ABCC2: variants seen among roughly 807,000 people sequenced by gnomAD.
The protein encoded by ABCC2 is ATP binding cassette subfamily C member 2, also known as ATP-binding cassette sub-family C member 2.
A neutral mutation model predicts 173.4 loss-of-function variants in ABCC2; 157 were observed. That is an observed-to-expected ratio of 0.91 (90% CI 0.80 to 1.03). The LOEUF (loss-of-function observed/expected upper bound fraction) is 1.03. Ranked by LOEUF, ABCC2 falls within the 50% of genes least tolerant of loss-of-function variation. The pLI is 0.00. For missense variants in ABCC2, 1,822 were observed against 1,852.3 expected (o/e 0.98, Z 0.30); for synonymous variants, 657 against 693.5 (o/e 0.95, Z 0.83).
chr10:99,843,724 A>C lies in ABCC2; in HGVS notation c.3742-75A>C, dbSNP rs1421265437. The C allele has an allele frequency of 4.0e-6, 5 of 1,257,744 alleles. No homozygotes were observed. In the East Asian group the frequency reaches 9.3e-5, roughly 23 times the overall value. The allele number at this position is 1,257,744 out of a possible 1,614,324, so 77.9% of individuals were successfully genotyped here. A position where few individuals can be genotyped will look rare whatever the true frequency, so the allele number is the denominator to read the frequency against. On this transcript the variant is annotated intron_variant, in intron 26 of 31. Transcript: ENST00000647814. ...GTGCTGGGTACAAAGTCGGCACTGGATTGTCCTTGTGGTTTGAGTGGTTGA... is the reference window on the plus strand; with the variant it reads ...GTGCTGGGTACAAAGTCGGCACTGGCTTGTCCTTGTGGTTTGAGTGGTTGA...
intron 23 of ABCC2, among the ~76,000 whole-genome samples, chr10:99,832,980 T>A (rs2038764469): frequency 6.6e-6 from 1 of 152,190 alleles, no homozygotes; most frequent in African/African-American, 2.4e-5. Context: ...GAGGCAGAGA[T>A]CAGGCAATTC....
intron 30 of ABCC2, among the ~76,000 whole-genome samples, chr10:99,849,561 G>A (rs1426106218): frequency 6.6e-6 from 1 of 152,226 alleles, no homozygotes; most frequent in African/African-American, 2.4e-5. Context: ...TCTGTTGAAT[G>A]ATGGGTAAGT....
At chr10:99,784,579 T>C (rs780009731) in intron 1 of ABCC2, 29 bp from the exon 2 acceptor site, 1 of 1,612,770 alleles carries the variant, frequency 6.2e-7, no homozygotes, top group South Asian at 1.1e-5. Flanking sequence ...AATGCATGTA[T>C]GCAACAATCC....
chr10:99,806,077 C>CTCTGTG (rs10644836), intron 11 of ABCC2, among the ~76,000 whole-genome samples: 2,244 of 148,072 alleles, frequency 0.015, 27 homozygotes, highest in African/African-American at 0.018. Context: ...CTCTCTCTGT[C>CTCTGTG]TGTGTGTGTG....
intron 16 of ABCC2, among the ~76,000 whole-genome samples, chr10:99,816,508 G>A (rs1209944403): frequency 6.7e-6 from 1 of 148,488 alleles, no homozygotes; most frequent in Non-Finnish European, 1.5e-5. Context: ...GGTCACTCCC[G>A]ATCTCAGGTG....
intron 28 of ABCC2, among the ~76,000 whole-genome samples, chr10:99,844,785 C>G (rs979443261): frequency 6.6e-6 from 1 of 152,126 alleles, no homozygotes; most frequent in South Asian, 2.1e-4. Context: ...GGCGGCCAGG[C>G]CTGGTGAAGG....
intron 27 of ABCC2, 46 bp downstream of exon 27, chr10:99,843,946 G>A (rs1249416928): frequency 1.4e-6 from 2 of 1,441,540 alleles, no homozygotes; most frequent in Admixed American, 1.7e-5. Context: ...AAAACAACAT[G>A]CAACTCCTTC....
At position 99,810,163 on chromosome 10, in the gene ABCC2, G is replaced by A. The variant is rs148300008; in HGVS notation, c.1845G>A (p.Lys615=). ...GTGTTTCCACAGAGCGGCTAGAGAA[G>A]TACTTGGGAGGGGATGACTTGGACA... ...QASVSTERLE[K]YLGGDDLDTS... is the part of the protein sequence containing the mutation. The change falls in exon 14 of 32, where the codon AAG becomes AAA. Residue 615 remains lysine, a synonymous_variant. Transcript: ENST00000647814. 1.8e-5 allele frequency: 29 copies of A among 1,613,658 alleles called. No individual in the cohort carries two copies. In the African/African-American group the frequency reaches 3.9e-4, roughly 22 times the overall value.
Position 99,851,777 on chromosome 10 carries a change from A to C in ABCC2, c.*146A>C. On this transcript the variant is annotated 3_prime_UTR_variant, in exon 32 of 32. Coordinates refer to ENST00000647814, the MANE Select transcript of ABCC2 (RefSeq NM_000392.5). ...GTGAACACCCATGAACCTACTACCC[A>C]GGTTAAGAAAATAAATGTCACCAGG... The C allele has an allele frequency of 2.6e-6, 2 of 780,882 alleles. No individual in the cohort carries two copies. Among genetic ancestry groups the C allele is most frequent in the South Asian group, 4.5e-5 (2 of 44,558 alleles). The allele number at this position is 780,882 out of a possible 1,614,324, so 48.4% of individuals were successfully genotyped here.
intron 16 of ABCC2, among the ~76,000 whole-genome samples, chr10:99,816,278 TTTTGTTTG>T (rs200150304): frequency 6.7e-6 from 1 of 149,484 alleles, no homozygotes; most frequent in African/African-American, 2.5e-5. Context: ...CATCTCTGTT[TTTTGTTTG>T]TTTGTTTGTT....
chr10:99,808,246 A>G lies in ABCC2; in HGVS notation c.1815+17A>G. The stretch of plus-strand genomic sequence containing the variant: ...ATGCTCCAGGTAGGTCGGCATTCTC[A>G]CTGCTAACTCCCTGTCTCTGGTTAA... On this transcript the variant is annotated intron_variant, in intron 13 of 31. Transcript: ENST00000647814. 1 of 1,613,700 alleles carries G rather than the reference A, an allele frequency of 6.2e-7. No individual in the cohort carries two copies. The highest frequency in any genetic ancestry group is 8.5e-7 in the Non-Finnish European group (1 of 1,179,872).
At chr10:99,820,431 A>C (rs1042718337) in intron 19 of ABCC2, among the ~76,000 whole-genome samples, 5 of 151,586 alleles carry the variant, frequency 3.3e-5, no homozygotes, top group Non-Finnish European at 7.4e-5. Context: ...ACAACAAGAA[A>C]ACCACCCTGA....
chr10:99,792,181 A>G, intron 2 of ABCC2, 53 bp from the exon 3 acceptor site: 4 of 1,610,616 alleles, frequency 2.5e-6, no homozygotes, highest in Non-Finnish European at 3.4e-6. Flanking sequence ...TTCTGTTCTA[A>G]GAGCCTTATA....
chr10:99,814,177 ATG>A lies in ABCC2; in HGVS notation c.2094+1035_2094+1036del, dbSNP rs1240929004. Among the ~76,000 whole-genome samples, 340 of 99,760 alleles carry A rather than the reference ATG, an allele frequency of 3.4e-3. 23 individuals are homozygous for A. Among genetic ancestry groups the A allele is most frequent in the Middle Eastern group, 9.8e-3 (2 of 204 alleles). 65.4% of individuals were successfully genotyped at this position (99,760 alleles called of 152,430 possible). A position where few individuals can be genotyped will look rare whatever the true frequency, so the allele number is the denominator to read the frequency against. On this transcript the variant is annotated intron_variant, in intron 16 of 31. Transcript: ENST00000647814. ...TGTATACACACGTATATATACACAC[ATG>A]TATGTATACACACATGTGTATATAT...
In ABCC2 at chr10:99,817,392, G is replaced by A. The variant is rs746992289; in HGVS notation, c.2179G>A (p.Glu727Lys). 1 of 1,614,170 alleles carries A rather than the reference G, an allele frequency of 6.2e-7. No individual in the cohort carries two copies. The highest frequency in any genetic ancestry group is 1.1e-5 in the South Asian group (1 of 91,084). The change falls in exon 17 of 32, where the codon GAA becomes AAA. Residue 727 changes from glutamate to lysine, a missense_variant. Coordinates refer to ENST00000647814, the MANE Select transcript of ABCC2 (RefSeq NM_000392.5). ...CATCCTTTTTGGAACAGAGTTTAAT[G>A]AAAAGAGGTACCAGCAAGTACTGGA... ...DNILFGTEFN[E>K]KRYQQVLEAC...
In ABCC2 at chr10:99,841,920, G is replaced by A. The variant is rs747081206; in HGVS notation, c.3615-47G>A. The A allele has an allele frequency of 1.9e-5, 31 of 1,613,706 alleles. 1 individual carries two copies. In the South Asian group the frequency reaches 3.1e-4, roughly 16 times the overall value. ...GAACGCCAAGGTTGCTGGTTAAGAT[G>A]AGGACGTGATCAGTGACACGCACTC... is the stretch of plus-strand genomic sequence containing the variant. On this transcript the variant is annotated intron_variant, in intron 25 of 31. Transcript: ENST00000647814.
intron 21 of ABCC2, 92 bp from the exon 22 acceptor site, chr10:99,831,519 G>A: frequency 1.6e-6 from 2 of 1,259,878 alleles, no homozygotes; most frequent in Non-Finnish European, 2.3e-6. Context: ...GCTCCCAGGG[G>A]ACTCCACTTC....
At position 99,804,224 on chromosome 10, in the gene ABCC2, T is replaced by C. The variant is rs377037872; in HGVS notation, c.1415T>C (p.Leu472Pro). The change falls in exon 10 of 32, where the codon CTT becomes CCT. Residue 472 changes from leucine (L) to proline (P), a missense_variant. By Grantham distance (98) the Leu-to-Pro change is moderately conservative. Transcript: ENST00000647814. Reference protein sequence around the residue: ...SVLAGVGVMVLVIPINAILST... With the variant: ...SVLAGVGVMVPVIPINAILST... ...TTAGCAGGTGTTGGGGTGATGGTGC[T>C]TGTAATCCCAATTAATGCGATACTG... The C allele has an allele frequency of 1.9e-5, 30 of 1,614,040 alleles. No homozygotes were observed. The African/African-American group carries it at 3.5e-4, about 19-fold the overall frequency.
intron 19 of ABCC2, among the ~76,000 whole-genome samples, chr10:99,827,355 T>G (rs1044580098): frequency 5.9e-5 from 9 of 152,144 alleles, no homozygotes; most frequent in African/African-American, 2.2e-4. Context: ...ATATATCACC[T>G]CCTGTAATTG....
Sources: allele counts gnomAD v4.1 joint callset (sites outside exome capture counted in the v4.1 genomes callset), GRCh38; gene constraint gnomAD v4.1.1; transcripts MANE v1.5; gene names NCBI Gene and HGNC (gene_info 2026-07-23, HGNC 2026-07-21).